STARD9: variants seen among roughly 807,000 people sequenced by gnomAD.
STARD9 encodes the protein StAR related lipid transfer domain containing 9.
STARD9 carries 346 observed loss-of-function variants against 399.8 expected under a neutral mutation model. The ratio of observed to expected loss-of-function variants is 0.87; its 90% CI spans 0.79 to 0.95. The LOEUF (loss-of-function observed/expected upper bound fraction) is 0.95. Among genes scored for constraint, STARD9 ranks in the 40% least tolerant of loss-of-function variants. The pLI is 0.00. For missense variants in STARD9, 5,832 were observed against 5,667.5 expected (o/e 1.03, Z -0.93); for synonymous variants, 2,203 against 2,143.5 (o/e 1.03, Z -0.77).
chr15:42,665,698 A>G, intron 14 of STARD9, 88 bp from the exon 15 acceptor site: 4 of 1,056,172 alleles, frequency 3.8e-6, no homozygotes, highest in Non-Finnish European at 5.6e-6. Context: ...CTTTATCTGC[A>G]TCTTATCCTC....
rs184213143 is a variant in STARD9 at position 42,673,959 on chromosome 15, A to C, written c.1498-481A>C. ...TCTGTTAAACTTCATCTGCGGACCA[A>C]GAAGGTAAAAATCCTGTGTTTCCAT... On this transcript the variant is annotated intron_variant, in intron 16 of 32. Transcript: ENST00000290607. 6 of 456,436 alleles carry C rather than the reference A, an allele frequency of 1.3e-5. No homozygotes were observed. The Admixed American group carries it at 1.4e-4, about 11-fold the overall frequency. The allele number at this position is 456,436 out of a possible 1,614,324, so 28.3% of individuals were successfully genotyped here. A position where few individuals can be genotyped will look rare whatever the true frequency, so the allele number is the denominator to read the frequency against.
intron 2 of STARD9, 97 bp from the exon 3 acceptor site, chr15:42,585,424 C>T: frequency 1.4e-6 from 1 of 716,668 alleles, no homozygotes; most frequent in South Asian, 1.7e-5. Context: ...CATGACCAGT[C>T]CAAGTCTCTC....
In STARD9 at chr15:42,677,084, C is replaced by G. The variant is rs572610576; in HGVS notation, c.1874+1109C>G. ...TGGCTAACATGGTGAAACCCCGTCT[C>G]TACTTAAAAAAAAAAAAAAAAAAAA... On this transcript the variant is annotated intron_variant, in intron 20 of 32. Coordinates refer to ENST00000290607, the MANE Select transcript of STARD9 (RefSeq NM_020759.3). 1.3e-3 allele frequency among the ~76,000 whole-genome samples: 139 copies of G among 110,616 alleles called. 1 individual carries two copies. Among genetic ancestry groups the G allele is most frequent in the African/African-American group, 5.0e-3 (130 of 25,764 alleles). 72.6% of individuals were successfully genotyped at this position (110,616 alleles called of 152,430 possible).
At chr15:42,714,164 G>A (rs547779984) in intron 26 of STARD9, among the ~76,000 whole-genome samples, 4 of 148,558 alleles carry the variant, frequency 2.7e-5, no homozygotes, top group Non-Finnish European at 4.4e-5. Flanking sequence ...CTGGGTTCAC[G>A]CCATTCTCCT....
intron 22 of STARD9, among the ~76,000 whole-genome samples, 196 bp from the exon 23 acceptor site, chr15:42,683,920 T>C (rs1283377946): frequency 2.0e-5 from 3 of 152,194 alleles, no homozygotes; most frequent in Non-Finnish European, 4.4e-5. Flanking sequence ...GATGAAGAAA[T>C]TGAGGAACAG....
In STARD9 at chr15:42,693,337, TC is replaced by T. The variant is rs2060760983; in HGVS notation, c.11760del (p.Ser3921GlnfsTer38). The T allele has an allele frequency of 2.0e-6, 3 of 1,537,040 alleles. No individual in the cohort carries two copies. In the East Asian group the frequency reaches 7.3e-5, roughly 38 times the overall value. ...EPGLSPGSLTLSAPSTHPVEG... is the reference protein window; with the variant it reads ...EPGLSPGSLTXSAPSTHPVEG... The stretch of plus-strand genomic sequence containing the variant: ...GGTCTTTCCCCAGGCTCTTTGACCC[TC>T]TCAGCCCCTTCAACTCACCCTGTTG... On this transcript the variant is annotated frameshift_variant, in exon 23 of 33. Transcript: ENST00000290607. LOFTEE classifies it high-confidence loss of function.
chr15:42,595,583 G>A (rs1328307528), intron 3 of STARD9, among the ~76,000 whole-genome samples: 1 of 152,208 alleles, frequency 6.6e-6, no homozygotes, highest in Non-Finnish European at 1.5e-5. Context: ...AAGAACCACA[G>A]ATGCCAATCA....
chr15:42,654,072 A>G (rs186248381), intron 9 of STARD9, among the ~76,000 whole-genome samples: 7 of 152,204 alleles, frequency 4.6e-5, no homozygotes, highest in Non-Finnish European at 1.5e-5. Flanking sequence ...TCAAAAATAC[A>G]ATTTTAAAAA....
At chr15:42,602,520 G>T (rs2058649061) in intron 3 of STARD9, among the ~76,000 whole-genome samples, 1 of 152,218 alleles carries the variant, frequency 6.6e-6, no homozygotes, top group African/African-American at 2.4e-5. Flanking sequence ...GCTGAGCACT[G>T]ACTCAAGGGA....
chr15:42,639,877 AAG>A (rs1223107203), intron 7 of STARD9, among the ~76,000 whole-genome samples: 1 of 152,092 alleles, frequency 6.6e-6, no homozygotes, highest in East Asian at 1.9e-4. Context: ...AAAAAAAAAA[AAG>A]TAATGTATAT....
At chr15:42,705,417 T>C (rs1430589901) in intron 26 of STARD9, among the ~76,000 whole-genome samples, 2 of 152,140 alleles carry the variant, frequency 1.3e-5, no homozygotes, top group African/African-American at 4.8e-5. Flanking sequence ...TTGTTGTGCC[T>C]CTGTGTTACT....
chr15:42,606,711 C>G (rs1026352981), intron 3 of STARD9, among the ~76,000 whole-genome samples: 42 of 152,018 alleles, frequency 2.8e-4, no homozygotes, highest in African/African-American at 1.0e-3. Context: ...GTCCTCCCAC[C>G]TCAGCCTCCC....
intron 3 of STARD9, among the ~76,000 whole-genome samples, chr15:42,623,772 C>T (rs768468686): frequency 2.6e-5 from 4 of 152,064 alleles, no homozygotes; most frequent in Non-Finnish European, 5.9e-5. Context: ...AAAATGTGGA[C>T]GAACATGGGA....
At chr15:42,621,726 A>T (rs538947832) in intron 3 of STARD9, among the ~76,000 whole-genome samples, 4 of 152,342 alleles carry the variant, frequency 2.6e-5, no homozygotes, top group African/African-American at 9.6e-5. Flanking sequence ...ATCACTATGT[A>T]TGGAGAAACC....
chr15:42,588,282 C>A lies in STARD9; in HGVS notation c.234+2645C>A, dbSNP rs958792578. On this transcript the variant is annotated intron_variant, in intron 3 of 32. Transcript: ENST00000290607. ...TGAGTATGAGTTTGGTTGTGAGTCC[C>A]GTATTTTACATTTATGTGTCTTAAC... Among the ~76,000 whole-genome samples the A allele has an allele frequency of 4.6e-5, 7 of 151,608 alleles. No individual in the cohort carries two copies. In the East Asian group the frequency reaches 1.4e-3, roughly 29 times the overall value.
At position 42,695,683 on chromosome 15, in the gene STARD9, G is replaced by A. The variant is rs562186287; in HGVS notation, c.13147-60G>A. On this transcript the variant is annotated intron_variant, in intron 25 of 32. Coordinates refer to ENST00000290607, the MANE Select transcript of STARD9 (RefSeq NM_020759.3). ...GGGGTGGCTTTGGGTAGGAAAAGGC[G>A]TGGCCTGGGGAAAGTGAGGGTGCAT... is the stretch of plus-strand genomic sequence containing the variant. The A allele has an allele frequency of 2.7e-5, 41 of 1,503,608 alleles. 1 individual carries two copies. The Middle Eastern group carries it at 5.6e-4, about 20-fold the overall frequency. 93.1% of individuals were successfully genotyped at this position (1,503,608 alleles called of 1,614,324 possible). A position where few individuals can be genotyped will look rare whatever the true frequency, so the allele number is the denominator to read the frequency against.
In STARD9 at chr15:42,674,906, T is replaced by A; in HGVS notation, c.1629T>A (p.Arg543=). Residue 543 remains arginine (R), a synonymous_variant, in exon 18 of 33, where the codon CGT becomes CGA. Coordinates refer to ENST00000290607, the MANE Select transcript of STARD9 (RefSeq NM_020759.3). ...ACGVVVLRPA[R]GARCTVNGRE... is the part of the protein sequence containing the mutation. ...GTGTAGTTGTTCTACGACCTGCCCGTGGGGCCCGCTGTACAGTCAATGGCC... is the reference window on the plus strand; with the variant it reads ...GTGTAGTTGTTCTACGACCTGCCCGAGGGGCCCGCTGTACAGTCAATGGCC... The A allele has an allele frequency of 6.5e-7, 1 of 1,537,098 alleles. No homozygotes were observed. Among genetic ancestry groups the A allele is most frequent in the Non-Finnish European group, 8.7e-7 (1 of 1,146,812 alleles).
At chr15:42,588,013 T>C (rs989753535) in intron 3 of STARD9, among the ~76,000 whole-genome samples, 1 of 152,176 alleles carries the variant, frequency 6.6e-6, no homozygotes, top group Non-Finnish European at 1.5e-5. Flanking sequence ...CAGTCCACAG[T>C]TGTGACTGTA....
At chr15:42,612,910 G>A (rs2058881141) in intron 3 of STARD9, among the ~76,000 whole-genome samples, 1 of 151,664 alleles carries the variant, frequency 6.6e-6, no homozygotes, top group Non-Finnish European at 1.5e-5. Context: ...CTTGAACCTG[G>A]GAGGTGGAGG....
Sources: allele counts gnomAD v4.1 joint callset (sites outside exome capture counted in the v4.1 genomes callset), GRCh38; gene constraint gnomAD v4.1.1; transcripts MANE v1.5; gene names NCBI Gene and HGNC (gene_info 2026-07-23, HGNC 2026-07-21).